KATNAL2: variants seen among roughly 807,000 people sequenced by gnomAD.
KATNAL2 encodes the protein katanin p60 ATPase-containing subunit A-like 2.
A neutral mutation model predicts 76.3 loss-of-function variants in KATNAL2; 52 were observed. That is an observed-to-expected ratio of 0.68 (90% CI 0.55 to 0.86). The LOEUF (loss-of-function observed/expected upper bound fraction) is 0.86. Ranked by LOEUF, KATNAL2 falls within the 40% of genes least tolerant of loss-of-function variation. The pLI is 0.00. For missense variants in KATNAL2, 660 were observed against 668.9 expected, an observed-to-expected ratio of 0.99 and a Z score of 0.15; for synonymous variants, 243 against 244.2, an observed-to-expected ratio of 1.00 and a Z score of 0.05.
At chr18:47,100,743 C>A in intron 17 of KATNAL2, 123 bp from the exon 18 acceptor site, 1 of 1,215,528 alleles carries the variant, frequency 8.2e-7, no homozygotes, top group Non-Finnish European at 1.2e-6. Context: ...TTGCCTTTTG[C>A]TGCATTAACA....
chr18:47,059,261 C>T (rs1265892333), intron 7 of KATNAL2, among the ~76,000 whole-genome samples: 1 of 152,132 alleles, frequency 6.6e-6, no homozygotes, highest in Non-Finnish European at 1.5e-5. Flanking sequence ...AAAAGACGAG[C>T]CAGCGAATGG....
At chr18:47,095,546 A>G (rs938341197) in intron 15 of KATNAL2, among the ~76,000 whole-genome samples, 1 of 152,240 alleles carries the variant, frequency 6.6e-6, no homozygotes, top group Non-Finnish European at 1.5e-5. Context: ...CTGTGAGTCA[A>G]TTAAACCCCT....
intron 4 of KATNAL2, among the ~76,000 whole-genome samples, chr18:47,048,011 G>A (rs2147068654): frequency 1.3e-5 from 2 of 152,228 alleles, no homozygotes; most frequent in East Asian, 3.9e-4. Flanking sequence ...TAGAGCAGTG[G>A]TTCTCAATTA....
chr18:47,091,656 AG>A (rs1458323576), intron 15 of KATNAL2, among the ~76,000 whole-genome samples: 1 of 152,102 alleles, frequency 6.6e-6, no homozygotes, highest in African/African-American at 2.4e-5. Context: ...AGCAGTTTTG[AG>A]GTAAATCTCT....
intron 1 of KATNAL2, among the ~76,000 whole-genome samples, chr18:46,936,117 T>G (rs1000549847): frequency 3.3e-5 from 5 of 152,170 alleles, no homozygotes; most frequent in African/African-American, 1.2e-4. Flanking sequence ...AATCCACTTT[T>G]CTATGGTGGA....
chr18:47,099,117 T>C (rs72905422), intron 15 of KATNAL2, 126 bp from the exon 16 acceptor site: 29,294 of 854,202 alleles, frequency 0.034, 590 homozygotes, highest in Non-Finnish European at 0.04. Flanking sequence ...ACTCAAGGCA[T>C]AGATGTAGAG....
At chr18:47,066,884 T>TAC (rs1285896916) in intron 10 of KATNAL2, 137 bp from the exon 11 acceptor site, 768 of 50,164 alleles carry the variant, frequency 0.015, 49 homozygotes, top group African/African-American at 0.048. Flanking sequence ...TATATATATA[T>TAC]ATATATATAA....
chr18:47,056,109 G>C (rs1207035469), intron 6 of KATNAL2, among the ~76,000 whole-genome samples: 4 of 152,210 alleles, frequency 2.6e-5, no homozygotes, highest in African/African-American at 9.7e-5. Flanking sequence ...TGAACCAAGG[G>C]AGGAAAGGTT....
intron 3 of KATNAL2, among the ~76,000 whole-genome samples, chr18:46,955,140 C>CTCTCTCTCTTTCTTTCTT (rs1555834717): frequency 1.9e-4 from 16 of 85,070 alleles, no homozygotes; most frequent in African/African-American, 4.1e-4. Flanking sequence ...CTTTCTCTCT[C>CTCTCTCTCTTTCTTTCTT]TCTTTCTTTC....
intron 15 of KATNAL2, among the ~76,000 whole-genome samples, chr18:47,084,937 C>T (rs1192305714): frequency 6.7e-6 from 1 of 149,302 alleles, no homozygotes; most frequent in Non-Finnish European, 1.5e-5. Flanking sequence ...TGCAGTGGCA[C>T]CCCCACCACC....
chr18:47,038,861 C>T (rs1266742489), intron 3 of KATNAL2, among the ~76,000 whole-genome samples: 1 of 152,160 alleles, frequency 6.6e-6, no homozygotes, highest in East Asian at 1.9e-4. Flanking sequence ...GAAATGTCTG[C>T]TGTAAATGAA....
chr18:47,042,851 T>C (rs7238423), intron 3 of KATNAL2, among the ~76,000 whole-genome samples: 4,208 of 152,236 alleles, frequency 0.028, 192 homozygotes, highest in Admixed American at 0.13. Flanking sequence ...ACATGAGAAT[T>C]TCTAGCTTGA....
intron 3 of KATNAL2, among the ~76,000 whole-genome samples, chr18:47,037,595 TG>T (rs1286700167): frequency 6.6e-6 from 1 of 152,250 alleles, no homozygotes; most frequent in Non-Finnish European, 1.5e-5. Context: ...GGCAGAAAGA[TG>T]TAGATCTGGC....
At chr18:47,024,995 C>T (rs2060263816) in intron 3 of KATNAL2, among the ~76,000 whole-genome samples, 1 of 113,264 alleles carries the variant, frequency 8.8e-6, no homozygotes, top group African/African-American at 3.1e-5. Context: ...GGACCTTCTT[C>T]GCTCCAGCTT....
intron 3 of KATNAL2, among the ~76,000 whole-genome samples, chr18:47,046,194 G>T (rs1393210552): frequency 6.6e-6 from 1 of 152,088 alleles, no homozygotes; most frequent in African/African-American, 2.4e-5. Flanking sequence ...AAGGCCGATT[G>T]GCTCGGCAGG....
intron 10 of KATNAL2, among the ~76,000 whole-genome samples, chr18:47,065,749 C>T (rs536004708): frequency 1.3e-4 from 19 of 151,832 alleles, no homozygotes; most frequent in Admixed American, 5.3e-4. Context: ...TTTGGGAGGC[C>T]GAGGCAGAAG....
Position 47,063,307 on chromosome 18 carries a change from T to G in KATNAL2, c.672T>G (p.Ser224Arg). 1 of 1,613,952 alleles carries G rather than the reference T, an allele frequency of 6.2e-7. No individual in the cohort carries two copies. Among genetic ancestry groups the G allele is most frequent in the Non-Finnish European group, 8.5e-7 (1 of 1,179,928 alleles). ...DPSERLLKPL[S>R]AFIGMNSEMR... ...AGGAACGACTGCTGAAACCTCTGAG[T>G]GCATTTATTGGCATGAACAGTGAGA... The change falls in exon 10 of 18, where the codon AGT (serine) becomes AGG (arginine). Residue 224 changes from serine to arginine, a missense_variant. Physicochemically the swap from Ser to Arg is moderately radical, Grantham distance 110. Coordinates refer to ENST00000683218, the MANE Select transcript of KATNAL2 (RefSeq NM_001387690.1).
At chr18:46,920,170 C>G in intron 1 of KATNAL2, 1 of 802,882 alleles carries the variant, frequency 1.2e-6, no homozygotes, top group Non-Finnish European at 1.8e-6. Flanking sequence ...TAGGTGCTGC[C>G]CTAGACTGGC....
intron 3 of KATNAL2, among the ~76,000 whole-genome samples, chr18:47,031,007 G>T (rs1474396415): frequency 2.7e-5 from 1 of 36,970 alleles, no homozygotes; most frequent in Non-Finnish European, 5.1e-5. Flanking sequence ...AATCCCTCTA[G>T]CATCTCCCCC....
Sources: allele counts gnomAD v4.1 joint callset (sites outside exome capture counted in the v4.1 genomes callset), GRCh38; gene constraint gnomAD v4.1.1; transcripts MANE v1.5; gene names NCBI Gene and HGNC (gene_info 2026-07-23, HGNC 2026-07-21).